The following GALNT14 variants were observed in gnomAD, a reference collection of about 807,000 sequenced individuals.
The protein encoded by GALNT14 is UDP-GalNAc:polypeptide N-acetylgalactosaminyltransferase 14.
In GALNT14, 60 loss-of-function variants were observed where a neutral mutation model predicts 77.5. That is an observed-to-expected ratio of 0.77 (90% confidence interval 0.63 to 0.96). The LOEUF (loss-of-function observed/expected upper bound fraction) is 0.96, where lower values mean the gene tolerates loss of function less well. Among genes scored for constraint, GALNT14 ranks in the 40% least tolerant of loss-of-function variants. The probability of loss-of-function intolerance (pLI) is 0.00; values close to 1 mark genes in which losing one functional copy is unlikely to be tolerated. For missense variants in GALNT14, 710 were observed against 731.0 expected, an observed-to-expected ratio of 0.97 and a Z score of 0.33; for synonymous variants, 280 against 281.7, an observed-to-expected ratio of 0.99 and a Z score of 0.06.
chr2:31,040,260 AG>A (rs1163438505), intron 1 of GALNT14, among the ~76,000 whole-genome samples: 1 of 152,206 alleles, frequency 6.6e-6, no homozygotes, highest in Non-Finnish European at 1.5e-5. Context: ...TTACTGAAAG[AG>A]GCTAAAAGGA....
At chr2:31,118,149 G>T (rs1030845307) in intron 1 of GALNT14, among the ~76,000 whole-genome samples, 1 of 152,040 alleles carries the variant, frequency 6.6e-6, no homozygotes, top group Non-Finnish European at 1.5e-5. Flanking sequence ...GTGACTAAAG[G>T]GCTACCATTG....
intron 1 of GALNT14, among the ~76,000 whole-genome samples, chr2:31,028,750 G>A (rs950859020): frequency 3.3e-5 from 5 of 152,188 alleles, no homozygotes; most frequent in Admixed American, 2.6e-4. Flanking sequence ...TTGTCACTGG[G>A]AGCAGAAGAC....
At chr2:30,976,583 G>C (rs1361937200) in intron 2 of GALNT14, among the ~76,000 whole-genome samples, 1 of 151,484 alleles carries the variant, frequency 6.6e-6, no homozygotes, top group African/African-American at 2.4e-5. Flanking sequence ...GCACCACCCA[G>C]ACGGCAGCTG....
At chr2:31,129,781 A>C in intron 1 of GALNT14, 1 of 463,378 alleles carries the variant, frequency 2.2e-6, no homozygotes, top group Non-Finnish European at 2.8e-6. Flanking sequence ...AAGCTACATA[A>C]ATCTTCAGCC....
At chr2:30,904,803 A>G in the GALNT14 span, among the ~76,000 whole-genome samples, 325 of 152,316 alleles carry the variant, frequency 2.1e-3, 1 homozygote, top group African/African-American at 7.5e-3. Context: ...GCAGACTTAA[A>G]TGTCCCTGTC....
chr2:31,017,357 A>G (rs1176244964), intron 1 of GALNT14, among the ~76,000 whole-genome samples: 1 of 152,202 alleles, frequency 6.6e-6, no homozygotes, highest in African/African-American at 2.4e-5. Context: ...GGCCCTTCCA[A>G]TATGAATTCT....
intron 1 of GALNT14, among the ~76,000 whole-genome samples, chr2:31,009,011 G>C (rs1259678119): frequency 1.3e-5 from 2 of 152,142 alleles, no homozygotes; most frequent in African/African-American, 4.8e-5. Flanking sequence ...CTTAGCCCTT[G>C]AACAAAATCA....
chr2:30,896,547 A>T, the GALNT14 span, among the ~76,000 whole-genome samples: 1 of 152,192 alleles, frequency 6.6e-6, no homozygotes, highest in Non-Finnish European at 1.5e-5. Context: ...TACTATTTTT[A>T]TGTGCATTGA....
chr2:30,892,039 A>G, the GALNT14 span, among the ~76,000 whole-genome samples: 1 of 152,188 alleles, frequency 6.6e-6, no homozygotes, highest in South Asian at 2.1e-4. Context: ...GATCCCACCA[A>G]TGAAAAGGCC....
At chr2:31,038,726 T>C (rs1672917101) in intron 1 of GALNT14, among the ~76,000 whole-genome samples, 1 of 151,220 alleles carries the variant, frequency 6.6e-6, no homozygotes, top group Non-Finnish European at 1.5e-5. Flanking sequence ...CGAAGCTCTT[T>C]ATTCTTAGTG....
intron 1 of GALNT14, among the ~76,000 whole-genome samples, chr2:31,058,370 C>T (rs974231339): frequency 5.3e-5 from 8 of 152,086 alleles, no homozygotes; most frequent in Admixed American, 1.3e-4. Flanking sequence ...CTGGTAAGGG[C>T]GTTCTCGGTG....
At chr2:30,995,392 G>A (rs537213984) in intron 1 of GALNT14, among the ~76,000 whole-genome samples, 28 of 152,260 alleles carry the variant, frequency 1.8e-4, no homozygotes, top group African/African-American at 6.7e-4. Context: ...TTATAGCCTA[G>A]GAGCAACAGG....
chr2:31,098,930 G>A (rs928603642), intron 1 of GALNT14, among the ~76,000 whole-genome samples: 5 of 152,056 alleles, frequency 3.3e-5, no homozygotes, highest in Admixed American at 6.6e-5. Flanking sequence ...CATCCTCATC[G>A]TCACATACAG....
chr2:31,088,283 G>A (rs1676556207), intron 1 of GALNT14, among the ~76,000 whole-genome samples: 1 of 152,168 alleles, frequency 6.6e-6, no homozygotes, highest in Non-Finnish European at 1.5e-5. Context: ...CAGAAAAAAT[G>A]GGACACAAGA....
Position 30,976,796 on chromosome 2 carries a change from T to A in GALNT14, c.300-10494A>T, listed in dbSNP as rs919942226. Among the ~76,000 whole-genome samples, 12 of 152,188 alleles carry A rather than the reference T, an allele frequency of 7.9e-5. No homozygotes were observed. The East Asian group carries it at 1.3e-3, about 17-fold the overall frequency. The stretch of plus-strand genomic sequence containing the variant: ...ATGTCTTATTTTAGCCCTGCTCAAA[T>A]CACATCATACAACAGTAATAATAGA... On this transcript the variant is annotated intron_variant, in intron 2 of 14. Coordinates refer to ENST00000349752, the MANE Select transcript of GALNT14 (RefSeq NM_024572.4).
At chr2:31,090,152 C>G (rs529935722) in intron 1 of GALNT14, among the ~76,000 whole-genome samples, 1 of 152,334 alleles carries the variant, frequency 6.6e-6, no homozygotes, top group East Asian at 1.9e-4. Flanking sequence ...ACCCACCCCT[C>G]CTCCACTGAT....
At chr2:31,025,731 G>C (rs2194454) in intron 1 of GALNT14, among the ~76,000 whole-genome samples, 65,610 of 151,910 alleles carry the variant, frequency 0.43, 14,368 homozygotes, top group East Asian at 0.55. Context: ...ACAGGGTATG[G>C]GTGTACAGAT....
At chr2:31,071,421 A>G (rs1675356637) in intron 1 of GALNT14, among the ~76,000 whole-genome samples, 1 of 152,184 alleles carries the variant, frequency 6.6e-6, no homozygotes, top group Non-Finnish European at 1.5e-5. Context: ...GAGGAGAGCA[A>G]TTAGGAGCTG....
intron 1 of GALNT14, among the ~76,000 whole-genome samples, chr2:31,092,976 G>C (rs1195377644): frequency 6.6e-6 from 1 of 152,174 alleles, no homozygotes; most frequent in African/African-American, 2.4e-5. Context: ...TAGGCTCCTG[G>C]ATGCTATGTT....
Sources: gnomAD v4.1 joint callset for allele counts (sites outside exome capture counted in the v4.1 genomes callset) on GRCh38, gnomAD v4.1.1 for gene constraint, MANE v1.5 for transcripts, NCBI Gene and HGNC (gene_info 2026-07-23, HGNC 2026-07-21) for gene names.